The following THBS2 variants were observed in gnomAD, a reference collection of about 807,000 sequenced individuals.
THBS2 encodes the protein thrombospondin-2.
A neutral mutation model predicts 135.2 loss-of-function variants in THBS2; 47 were observed. That is an observed-to-expected ratio of 0.35 (90% confidence interval 0.28 to 0.44). The LOEUF is 0.44. Among genes scored for constraint, THBS2 ranks in the 20% least tolerant of loss-of-function variants. The pLI is 1.00. For synonymous variants in THBS2, 639 were observed against 633.8 expected (o/e 1.01, Z -0.12); for missense variants, 1,288 against 1,603.1 (o/e 0.80, Z 3.36).
intron 12 of THBS2, 124 bp from the exon 13 acceptor site, chr6:169,232,322 TG>T (rs1248212680): frequency 1.8e-6 from 2 of 1,082,526 alleles, no homozygotes; most frequent in African/African-American, 3.1e-5. Flanking sequence ...AGTCCTGAAG[TG>T]GGAAGGGCTT....
At position 169,241,906 on chromosome 6, in the gene THBS2, A is replaced by G. The variant is rs761820510; in HGVS notation, c.747T>C (p.His249=). The G allele has an allele frequency of 6.2e-7, 1 of 1,611,958 alleles. No homozygotes were observed. Among genetic ancestry groups the G allele is most frequent in the Non-Finnish European group, 8.5e-7 (1 of 1,179,902 alleles). The change falls in exon 5 of 22, where the codon CAT becomes CAC. Residue 249 remains histidine (H), a synonymous_variant. Transcript: ENST00000617924. This position sits in a 1 kb window ranked among gnomAD's most constrained non-coding sequence, Gnocchi z 5.5. ...TGGGGCCCACGTACTCGGTGGTGAC[A>G]TGCGGACCCAGGCGCAGCGTCTCTG... The part of the protein sequence containing the change: ...ENTETLRLGP[H]VTTEYVGPSS...
At chr6:169,243,379 G>A (rs183782326) in intron 4 of THBS2, among the ~76,000 whole-genome samples, 201 of 152,344 alleles carry the variant, frequency 1.3e-3, no homozygotes, top group Admixed American at 3.4e-3. Flanking sequence ...GCTCTAGGCC[G>A]GAGCTCACCT....
In THBS2 at chr6:169,243,139, CTCCCACCT is replaced by C. The variant is rs1219980472; in HGVS notation, c.695-1189_695-1182del. Among the ~76,000 whole-genome samples, 11 of 124,930 alleles carry C rather than the reference CTCCCACCT, an allele frequency of 8.8e-5. No individual in the cohort carries two copies. The East Asian group carries it at 1.1e-3, about 13-fold the overall frequency. The allele number at this position is 124,930 out of a possible 152,430, so 82.0% of individuals were successfully genotyped here. ...CTCCTACCTTCCCACCTTCCCACCG[CTCCCACCT>C]TCCCACCTTCCCACATTCCCACCTC... On this transcript the variant is annotated intron_variant, in intron 4 of 21. Coordinates refer to ENST00000617924, the MANE Select transcript of THBS2 (RefSeq NM_003247.5).
intron 14 of THBS2, among the ~76,000 whole-genome samples, chr6:169,228,541 GGAGGCT>G (rs1391470041): frequency 6.6e-6 from 1 of 152,002 alleles, no homozygotes; most frequent in African/African-American, 2.4e-5. Context: ...CAGCACTATG[GGAGGCT>G]GAGGCGGGCG....
At chr6:169,227,558 A>G (rs1779680977) in intron 15 of THBS2, among the ~76,000 whole-genome samples, 1 of 152,190 alleles carries the variant, frequency 6.6e-6, no homozygotes, top group Admixed American at 6.5e-5. Flanking sequence ...CCAGGACTGC[A>G]AGGCTGGGGT....
At chr6:169,222,670 C>T (rs1304199621) in intron 18 of THBS2, among the ~76,000 whole-genome samples, 1 of 152,034 alleles carries the variant, frequency 6.6e-6, no homozygotes, top group African/African-American at 2.4e-5. Flanking sequence ...TGGTGGGTAC[C>T]TGTAATCCCA....
chr6:169,248,239 T>C (rs1289897568), intron 3 of THBS2, among the ~76,000 whole-genome samples, 178 bp downstream of exon 3: 1 of 152,118 alleles, frequency 6.6e-6, no homozygotes, highest in African/African-American at 2.4e-5. Flanking sequence ...GTGGGCAGTG[T>C]GTGCATGTGC....
At chr6:169,231,925 C>A in intron 13 of THBS2, 55 bp downstream of exon 13, 1 of 1,591,036 alleles carries the variant, frequency 6.3e-7, no homozygotes. Flanking sequence ...TCCCCGGCGC[C>A]AGGAGGAGGG....
At chr6:169,239,042 C>T (rs369153350) in intron 7 of THBS2, among the ~76,000 whole-genome samples, 25 of 152,222 alleles carry the variant, frequency 1.6e-4, no homozygotes, top group African/African-American at 5.5e-4. Flanking sequence ...AGCGTTGGGG[C>T]CAACTCAGTC....
chr6:169,219,346 G>GAATGGATGGATGA (rs1554244186), intron 21 of THBS2, among the ~76,000 whole-genome samples: 1 of 129,052 alleles, frequency 7.7e-6, no homozygotes, highest in Non-Finnish European at 1.6e-5. Flanking sequence ...GTGGGTGGAT[G>GAATGGATGGATGA]GATGGATGGT....
Position 169,220,767 on chromosome 6 carries a change from G to C in THBS2, c.3372-430C>G, listed in dbSNP as rs1045497910. On this transcript the variant is annotated intron_variant, in intron 20 of 21. Transcript: ENST00000617924. ...GCAGGACTGGATACACCAAGCCCCC[G>C]ACAGGAGGATGGGGCATCAATATGA... is the stretch of plus-strand genomic sequence containing the variant. 2.5e-4 allele frequency among the ~76,000 whole-genome samples: 38 copies of C among 152,100 alleles called. 1 individual carries two copies. Among genetic ancestry groups the C allele is most frequent in the Non-Finnish European group, 8.8e-5 (6 of 68,014 alleles).
In THBS2 at chr6:169,237,298, G is replaced by C; in HGVS notation, c.1349C>G (p.Ser450Cys). ...WSHWSPWSSC[S>C]VTCGVGNITR... ...GATATTGCCAACTCCACAGGTCACA[G>C]AGCATGAAGACCAAGGTGACCAGTG... Residue 450 changes from serine (S) to cysteine (C), a missense_variant, in exon 9 of 22, where the codon TCT becomes TGT. Ser to Cys is a moderately radical substitution (Grantham distance 112, BLOSUM62 -1). Transcript: ENST00000617924. 6.2e-6 allele frequency: 10 copies of C among 1,613,484 alleles called. No homozygotes were observed. The highest frequency in any genetic ancestry group is 8.5e-6 in the Non-Finnish European group (10 of 1,180,026).
intron 1 of THBS2, 59 bp from the exon 2 acceptor site, chr6:169,250,865 GC>G (rs1482710583): frequency 8.2e-7 from 1 of 1,222,508 alleles, no homozygotes; most frequent in Non-Finnish European, 1.2e-6. Context: ...CTGCCTGTGA[GC>G]GAGACTGGCC....
intron 21 of THBS2, among the ~76,000 whole-genome samples, chr6:169,219,089 A>AGGTG (rs1438377253): frequency 1.4e-5 from 2 of 140,682 alleles, no homozygotes; most frequent in African/African-American, 5.4e-5. Flanking sequence ...ATGTATTGAT[A>AGGTG]GGTGGATGGA....
chr6:169,227,610 G>A (rs552601701), intron 15 of THBS2, among the ~76,000 whole-genome samples: 9 of 152,272 alleles, frequency 5.9e-5, no homozygotes, highest in South Asian at 4.2e-4. Context: ...TCTCTAGGGC[G>A]GTCCTGTGGC....
intron 2 of THBS2, 78 bp from the exon 3 acceptor site, chr6:169,249,051 G>A: frequency 7.2e-7 from 1 of 1,379,526 alleles, no homozygotes; most frequent in Non-Finnish European, 9.8e-7. Context: ...TGACAAACCA[G>A]AACCTCGCGT....
chr6:169,238,324 G>T (rs1410501007), intron 7 of THBS2, among the ~76,000 whole-genome samples: 1 of 152,176 alleles, frequency 6.6e-6, no homozygotes, highest in East Asian at 1.9e-4. Flanking sequence ...TTCTTCATAG[G>T]TAATCACAGC....
At chr6:169,240,657 T>A in intron 5 of THBS2, 65 bp from the exon 6 acceptor site, 1 of 1,554,632 alleles carries the variant, frequency 6.4e-7, no homozygotes, top group South Asian at 1.2e-5. Context: ...ATCATGCTTG[T>A]GGATGAAAAA....
chr6:169,222,133 G>A lies in THBS2; in HGVS notation c.3273+64C>T. On this transcript the variant is annotated intron_variant, in intron 19 of 21. Transcript: ENST00000617924. ...GGGGTCTCTGGACTGGGCTAGTCCT[G>A]CTGAAACACTCTGCAGCCACAGTGG... 4 of 1,523,000 alleles carry A rather than the reference G, an allele frequency of 2.6e-6. No individual in the cohort carries two copies. The South Asian group carries it at 5.1e-5, about 19-fold the overall frequency. The allele number at this position is 1,523,000 out of a possible 1,614,324, so 94.3% of individuals were successfully genotyped here.
Sources: allele counts gnomAD v4.1 joint callset (sites outside exome capture counted in the v4.1 genomes callset), GRCh38; gene constraint gnomAD v4.1.1; non-coding constraint Gnocchi (gnomAD v3.1); transcripts MANE v1.5; gene names NCBI Gene and HGNC (gene_info 2026-07-23, HGNC 2026-07-21).